TSBP1: variants seen among roughly 807,000 people sequenced by gnomAD.
TSBP1 encodes testis-expressed basic protein 1.
In TSBP1, 56 loss-of-function variants were observed where a neutral mutation model predicts 68.8. That is an observed-to-expected ratio of 0.81 (90% CI 0.66 to 1.02). The LOEUF (loss-of-function observed/expected upper bound fraction) is 1.02, where lower values mean the gene tolerates loss of function less well. Among genes scored for constraint, TSBP1 ranks in the 50% least tolerant of loss-of-function variants. The pLI is 0.00. For synonymous variants in TSBP1, 171 were observed against 208.7 expected (o/e 0.82, Z 1.56); for missense variants, 502 against 641.2 (o/e 0.78, Z 2.34).
chr6:32,349,310 A>G (rs1484166096), intron 9 of TSBP1, among the ~76,000 whole-genome samples: 2 of 151,652 alleles, frequency 1.3e-5, no homozygotes, highest in African/African-American at 4.8e-5. Context: ...GGAATTAGCC[A>G]TCTCTTCCAT....
At chr6:32,366,506 A>C in intron 4 of TSBP1, 1 of 597,416 alleles carries the variant, frequency 1.7e-6, no homozygotes, top group Non-Finnish European at 3.0e-6. Context: ...GCTCACGCCT[A>C]TGTTCCCAGC....
Position 32,319,537 on chromosome 6 carries a change from C to A in TSBP1, c.559+3580G>T. 2.6e-5 allele frequency among the ~76,000 whole-genome samples: 4 copies of A among 152,218 alleles called. No homozygotes were observed. In the Middle Eastern group the frequency reaches 0.01, roughly 388 times the overall value. Reference sequence around the variant, plus strand: ...ATTTTTTATTAAGGACTGCAGGGCCCGACATAATCTGGCTCTTGTCGCTCT... The same window carrying A: ...ATTTTTTATTAAGGACTGCAGGGCCAGACATAATCTGGCTCTTGTCGCTCT... On this transcript the variant is annotated intron_variant, in intron 18 of 22. Coordinates refer to ENST00000612031, the Ensembl canonical transcript of TSBP1.
In TSBP1 at chr6:32,361,073, C is replaced by A. The variant is rs951984844; in HGVS notation, c.217+5094G>T. The stretch of plus-strand genomic sequence containing the variant: ...GGCCCCAGTGTGTGATGTTCCCCAC[C>A]CTGTGTCCAAGTGTTCTCATTGTTC... On this transcript the variant is annotated intron_variant, in intron 6 of 22. Coordinates refer to ENST00000612031, the Ensembl canonical transcript of TSBP1. This position sits in a 1 kb window ranked among gnomAD's most constrained non-coding sequence, Gnocchi z 4.3. Among the ~76,000 whole-genome samples, 3 of 152,090 alleles carry A rather than the reference C, an allele frequency of 2.0e-5. No individual in the cohort carries two copies. The highest frequency in any genetic ancestry group is 1.9e-4 in the East Asian group (1 of 5,198).
chr6:32,302,073 C>T lies in TSBP1; in HGVS notation c.601+536G>A, dbSNP rs1765360603. Among the ~76,000 whole-genome samples, 1 of 151,948 alleles carries T rather than the reference C, an allele frequency of 6.6e-6. No homozygotes were observed. Among genetic ancestry groups the T allele is most frequent in the South Asian group, 2.1e-4 (1 of 4,820 alleles). ...TATTTTATTGGGACATACCCATGCT[C>T]ATTCTTTTATATATTGTCTATGACT... On this transcript the variant is annotated intron_variant, in intron 20 of 22. Coordinates refer to ENST00000612031, the Ensembl canonical transcript of TSBP1. The surrounding 1 kb of genome is among the most constrained non-coding windows in gnomAD (Gnocchi z 5.1).
chr6:32,293,671 C>G (rs755699475), exon 23 of TSBP1: 1 of 1,612,484 alleles, frequency 6.2e-7, no homozygotes, highest in Non-Finnish European at 8.5e-7. Flanking sequence ...CTTGGGACTC[C>G]TGTCCTCTTG....
At chr6:32,293,552 C>T (rs377471914) in exon 23 of TSBP1, 20 of 1,611,642 alleles carry the variant, frequency 1.2e-5, no homozygotes, top group Admixed American at 1.0e-4. Context: ...TCTTGGCACA[C>T]CCATCTCACT....
At chr6:32,319,674 C>T (rs1348892318) in intron 18 of TSBP1, among the ~76,000 whole-genome samples, 1 of 151,988 alleles carries the variant, frequency 6.6e-6, no homozygotes, top group Admixed American at 6.6e-5. Context: ...CACACTCCCC[C>T]TTCTATACCA....
chr6:32,356,668 C>T (rs771767854), intron 6 of TSBP1, among the ~76,000 whole-genome samples: 19 of 151,716 alleles, frequency 1.3e-4, no homozygotes, highest in Middle Eastern at 3.4e-3. Flanking sequence ...TGCAGTAAGC[C>T]GAGATAGTGC....
In TSBP1 at chr6:32,325,340, C is replaced by T. The variant is rs1379140921; in HGVS notation, c.515-1726G>A. The T allele has an allele frequency of 2.4e-5, 26 of 1,078,074 alleles. No homozygotes were observed. The highest frequency in any genetic ancestry group is 1.0e-4 in the Admixed American group (6 of 58,452). The allele number at this position is 1,078,074 out of a possible 1,614,324, so 66.8% of individuals were successfully genotyped here. ...CATTTTGAGCAGTGAGGGACACTCC[C>T]GGACAGTGTGGTCATGAGAGATCCA... On this transcript the variant is annotated intron_variant, in intron 16 of 22. Coordinates refer to ENST00000612031, the Ensembl canonical transcript of TSBP1. This position sits in a 1 kb window ranked among gnomAD's most constrained non-coding sequence, Gnocchi z 4.4.
Position 32,306,532 on chromosome 6 carries a change from TC to T in TSBP1, c.581-3904del, listed in dbSNP as rs1765797614. ...ACCCTTGTCTCTCATGTCTGGCTTT[TC>T]AGCTGCAAGCAGCCAAACCTGGGTT... On this transcript the variant is annotated intron_variant, in intron 19 of 22. Coordinates refer to ENST00000612031, the Ensembl canonical transcript of TSBP1. This position sits in a 1 kb window ranked among gnomAD's most constrained non-coding sequence, Gnocchi z 5.1. 1.3e-5 allele frequency among the ~76,000 whole-genome samples: 2 copies of T among 152,318 alleles called. No homozygotes were observed. The highest frequency in any genetic ancestry group is 1.3e-4 in the Admixed American group (2 of 15,308).
chr6:32,325,416 G>A lies in TSBP1; in HGVS notation c.515-1802C>T, dbSNP rs1768118247. 4 of 929,068 alleles carry A rather than the reference G, an allele frequency of 4.3e-6. No homozygotes were observed. The highest frequency in any genetic ancestry group is 7.0e-6 in the Non-Finnish European group (4 of 571,202). 57.6% of individuals were successfully genotyped at this position (929,068 alleles called of 1,614,324 possible). A position where few individuals can be genotyped will look rare whatever the true frequency, so the allele number is the denominator to read the frequency against. ...ATTTTTCACATATGCCACTGTGGAG[G>A]AGGTGGATGCAGCCGTGAATGCAAG... is the stretch of plus-strand genomic sequence containing the variant. On this transcript the variant is annotated intron_variant, in intron 16 of 22. Transcript: ENST00000612031. The surrounding 1 kb of genome is among the most constrained non-coding windows in gnomAD (Gnocchi z 4.4).
chr6:32,355,180 TG>T (rs1772153786), intron 7 of TSBP1, 36 bp from the exon 8 acceptor site: 1 of 1,608,080 alleles, frequency 6.2e-7, no homozygotes, highest in Non-Finnish European at 8.5e-7. Context: ...AGGTGAATCA[TG>T]AGAGTTTGGA....
rs917508772 is a variant in TSBP1 at position 32,343,301 on chromosome 6, A to G, written c.350-3663T>C. 38 of 1,267,344 alleles carry G rather than the reference A, an allele frequency of 3.0e-5. No homozygotes were observed. The highest frequency in any genetic ancestry group is 3.7e-5 in the Non-Finnish European group (36 of 964,312). 78.5% of individuals were successfully genotyped at this position (1,267,344 alleles called of 1,614,324 possible). A position where few individuals can be genotyped will look rare whatever the true frequency, so the allele number is the denominator to read the frequency against. ...TTATTCAAGTCAGTCTAAAGTTTCAATAATCCATCAATTTCCCAAAAGTCT... is the reference window on the plus strand; with the variant it reads ...TTATTCAAGTCAGTCTAAAGTTTCAGTAATCCATCAATTTCCCAAAAGTCT... On this transcript the variant is annotated intron_variant, in intron 9 of 22. Transcript: ENST00000612031. This position sits in a 1 kb window ranked among gnomAD's most constrained non-coding sequence, Gnocchi z 4.3.
rs766322425 is a variant in TSBP1, at chr6:32,292,979, C to A, written c.*2G>T. 6.3e-7 allele frequency: 1 copy of A among 1,584,578 alleles called. No homozygotes were observed. Among genetic ancestry groups the A allele is most frequent in the South Asian group, 1.2e-5 (1 of 86,638 alleles). On this transcript the variant is annotated 3_prime_UTR_variant, in exon 23 of 23. Transcript: ENST00000612031. This position sits in a 1 kb window ranked among gnomAD's most constrained non-coding sequence, Gnocchi z 4.1. ...TCTTATGGGCCTTTAAAAAATTTATCCTTACTCTTCCACTTTTTTGTTGTA... is the reference window on the plus strand; with the variant it reads ...TCTTATGGGCCTTTAAAAAATTTATACTTACTCTTCCACTTTTTTGTTGTA...
chr6:32,324,615 C>CAGCT lies in TSBP1; in HGVS notation c.515-1002_515-1001insAGCT, dbSNP rs57257463. On this transcript the variant is annotated intron_variant, in intron 16 of 22. Coordinates refer to ENST00000612031, the Ensembl canonical transcript of TSBP1. The stretch of plus-strand genomic sequence containing the variant: ...AAGACTCTTGGACTCCACTAGAGAC[C>CAGCT]GAGTCCTAAAGGAGAGAATTCAATG... The CAGCT allele has an allele frequency of 4.4e-4, 676 of 1,549,348 alleles. 3 individuals are homozygous for CAGCT. Among genetic ancestry groups the CAGCT allele is most frequent in the South Asian group, 2.7e-3 (230 of 83,998 alleles).
At chr6:32,320,961 T>C (rs1767567184) in intron 18 of TSBP1, among the ~76,000 whole-genome samples, 1 of 152,182 alleles carries the variant, frequency 6.6e-6, no homozygotes, top group Non-Finnish European at 1.5e-5. Flanking sequence ...CCTGCATTAG[T>C]TTGCTAGGGG....
chr6:32,355,793 C>G (rs1279268787), intron 6 of TSBP1, 124 bp from the exon 7 acceptor site: 13 of 1,193,938 alleles, frequency 1.1e-5, no homozygotes, highest in South Asian at 3.4e-5. Context: ...AAACTGGAGA[C>G]AAAATCTCCT....
chr6:32,315,754 G>T lies in TSBP1; in HGVS notation c.580+18C>A. 6.7e-7 allele frequency: 1 copy of T among 1,491,048 alleles called. No homozygotes were observed. The highest frequency in any genetic ancestry group is 1.2e-5 in the South Asian group (1 of 81,080). 92.4% of individuals were successfully genotyped at this position (1,491,048 alleles called of 1,614,324 possible). ...CATAAATCTCCACATATGACCAGCT[G>T]AGAAATAAAGAACTTACTTGCAGTT... On this transcript the variant is annotated intron_variant, in intron 19 of 22. Coordinates refer to ENST00000612031, the Ensembl canonical transcript of TSBP1. This position sits in a 1 kb window ranked among gnomAD's most constrained non-coding sequence, Gnocchi z 5.4.
chr6:32,295,842 CT>C (rs535371646), intron 22 of TSBP1, among the ~76,000 whole-genome samples: 21,773 of 125,158 alleles, frequency 0.17, 1,622 homozygotes, highest in East Asian at 0.3. Context: ...AGGAAAATTT[CT>C]TTTTTTTTTT....
Sources: gnomAD v4.1 joint callset for allele counts (sites outside exome capture counted in the v4.1 genomes callset) on GRCh38, gnomAD v4.1.1 for gene constraint, Gnocchi (gnomAD v3.1) non-coding constraint, MANE v1.5 for transcripts, NCBI Gene and HGNC (gene_info 2026-07-23, HGNC 2026-07-21) for gene names.